Variants in MED16 observed in about 807,000 individuals in gnomAD.
The protein encoded by MED16 is mediator complex subunit 16.
In MED16, 81 loss-of-function variants were observed where a neutral mutation model predicts 84.4. The observed-to-expected ratio is 0.96, with a 90% CI of 0.80 to 1.15. The LOEUF (loss-of-function observed/expected upper bound fraction) is 1.15. Ranked by LOEUF, MED16 falls within the 50% of genes most tolerant of loss-of-function variation. MED16 has a pLI of 0.00. For missense variants in MED16, 1,585 were observed against 1,245.9 expected, an observed-to-expected ratio of 1.27 and a Z score of -4.10; for synonymous variants, 897 against 552.2, an observed-to-expected ratio of 1.62 and a Z score of -8.76.
chr19:869,635 G>A lies in MED16; in HGVS notation c.2316-689C>T, dbSNP rs137907304. On this transcript the variant is annotated intron_variant, in intron 13 of 15. Transcript: ENST00000325464. ...GGAGGTCCTAGAGCCAAGCCAGGGC[G>A]CCTTCCCGGAGGTCCCGGAGCCAAG... 1.2e-3 allele frequency among the ~76,000 whole-genome samples: 181 copies of A among 152,212 alleles called. 1 individual carries two copies. The East Asian group carries it at 0.03, about 25-fold the overall frequency.
chr19:877,292 G>A (rs113482685), intron 8 of MED16, 112 bp from the exon 9 acceptor site: 38 of 976,054 alleles, frequency 3.9e-5, no homozygotes, highest in Middle Eastern at 6.3e-4. Flanking sequence ...GTGCGCGCAC[G>A]CCCGTGTGTG....
At position 891,013 on chromosome 19, in the gene MED16, G is replaced by T; in HGVS notation, c.119C>A (p.Ser40Tyr). Reference protein sequence around the residue: ...CPSVPLACAWSCRNLIAFTMD... With the variant: ...CPSVPLACAWYCRNLIAFTMD... Reference sequence around the variant, plus strand: ...GGTGAAGGCGATGAGATTTCGGCAGGACCAGGCGCAGGCCAGGGGCACCGA... The same window carrying T: ...GGTGAAGGCGATGAGATTTCGGCAGTACCAGGCGCAGGCCAGGGGCACCGA... The change falls in exon 2 of 16, where the codon TCC (serine) becomes TAC (tyrosine). Residue 40 changes from serine to tyrosine, a missense_variant. Transcript: ENST00000325464. 6.2e-7 allele frequency: 1 copy of T among 1,614,118 alleles called. No homozygotes were observed. Among genetic ancestry groups the T allele is most frequent in the Non-Finnish European group, 8.5e-7 (1 of 1,180,028 alleles).
intron 13 of MED16, among the ~76,000 whole-genome samples, chr19:870,505 G>C (rs922189929): frequency 1.3e-5 from 2 of 151,628 alleles, no homozygotes; most frequent in Admixed American, 1.3e-4. Context: ...ACGTTGCAGT[G>C]GGCCAAGACG....
At chr19:880,626 G>T (rs1286197502) in intron 7 of MED16, among the ~76,000 whole-genome samples, 1 of 152,226 alleles carries the variant, frequency 6.6e-6, no homozygotes, top group Non-Finnish European at 1.5e-5. Context: ...CCCTGCAGTA[G>T]AGAGGCTGCA....
chr19:877,871 G>C (rs62132306), intron 8 of MED16, among the ~76,000 whole-genome samples: 4 of 33,126 alleles, frequency 1.2e-4, no homozygotes, highest in African/African-American at 2.2e-4. Context: ...CCAGCAGCTC[G>C]CCTTCCCCTG....
At chr19:890,305 A>G in intron 2 of MED16, 61 bp from the exon 3 acceptor site, 2 of 1,206,688 alleles carry the variant, frequency 1.7e-6, no homozygotes, top group South Asian at 3.1e-5. Flanking sequence ...GATGACGATG[A>G]CTCCAGGCAG....
At chr19:877,459 C>T (rs531056155) in intron 8 of MED16, among the ~76,000 whole-genome samples, 4 of 151,970 alleles carry the variant, frequency 2.6e-5, no homozygotes, top group South Asian at 2.1e-4. Flanking sequence ...GAGTCTACCC[C>T]GTGAAAGGCG....
intron 8 of MED16, among the ~76,000 whole-genome samples, chr19:878,556 AGCCCC>A (rs1451468515): frequency 0.086 from 866 of 10,070 alleles, no homozygotes; most frequent in African/African-American, 0.099. Flanking sequence ...AATGCCCACC[AGCCCC>A]AGCCCCAGCC....
intron 11 of MED16, among the ~76,000 whole-genome samples, 160 bp from the exon 12 acceptor site, chr19:872,278 G>A (rs1031088533): frequency 6.6e-6 from 1 of 151,954 alleles, no homozygotes. Flanking sequence ...CGAGTGGGTG[G>A]ATGCCGGGGA....
Position 879,948 on chromosome 19 carries a change from T to C in MED16, c.1342A>G (p.Ser448Gly), listed in dbSNP as rs1423933803. The change falls in exon 8 of 16, where the codon AGC becomes GGC. Residue 448 changes from serine to glycine, a missense_variant. Physicochemically the swap from Ser to Gly is moderately conservative, Grantham distance 56. Transcript: ENST00000325464. Reference protein sequence around the residue: ...WTSLALVGIDSHGKLSVLRLS... With the variant: ...WTSLALVGIDGHGKLSVLRLS... ...CCCCAGCAGCTCACCTTCCCGTGGC[T>C]GTCAATCCCCACCAGGGCCAGTGAC... 2 of 1,603,576 alleles carry C rather than the reference T, an allele frequency of 1.2e-6. No homozygotes were observed. Among genetic ancestry groups the C allele is most frequent in the African/African-American group, 2.7e-5 (2 of 74,596 alleles).
At chr19:878,478 C>T (rs56142163) in intron 8 of MED16, among the ~76,000 whole-genome samples, 2 of 150,318 alleles carry the variant, frequency 1.3e-5, no homozygotes, top group Admixed American at 6.6e-5. Flanking sequence ...AGCTCACCTT[C>T]CCCTGGCTGT....
intron 12 of MED16, 64 bp from the exon 13 acceptor site, chr19:871,317 C>A: frequency 6.9e-7 from 1 of 1,459,350 alleles, no homozygotes; most frequent in South Asian, 1.3e-5. Context: ...CCACCCGGGA[C>A]GTGCTGGGAG....
chr19:875,789 G>A (rs906220307), intron 9 of MED16, among the ~76,000 whole-genome samples: 1 of 152,166 alleles, frequency 6.6e-6, no homozygotes, highest in Admixed American at 6.5e-5. Context: ...CCCCATCCCA[G>A]AGGCTGCTCC....
intron 6 of MED16, 116 bp downstream of exon 6, chr19:884,787 G>A (rs578046978): frequency 7.8e-5 from 59 of 755,210 alleles, no homozygotes; most frequent in African/African-American, 6.6e-4. Flanking sequence ...CGAGACGATC[G>A]CTTAGGGCCG....
At chr19:886,405 GCA>G (rs1218496549) in intron 4 of MED16, among the ~76,000 whole-genome samples, 1 of 152,250 alleles carries the variant, frequency 6.6e-6, no homozygotes, top group Non-Finnish European at 1.5e-5. Context: ...GGAAGGAACG[GCA>G]CCTTTGCTTT....
chr19:879,037 A>G (rs1287518288), intron 8 of MED16, among the ~76,000 whole-genome samples: 4 of 86,224 alleles, frequency 4.6e-5, no homozygotes, highest in South Asian at 4.1e-4. Flanking sequence ...CCAGCAGCTC[A>G]CCTTCCCCCG....
chr19:890,420 A>C (rs2036610092), intron 2 of MED16, 176 bp from the exon 3 acceptor site: 1 of 517,330 alleles, frequency 1.9e-6, no homozygotes, highest in Admixed American at 3.6e-5. Context: ...GGAACAGAGC[A>C]GGCCTGTGAG....
chr19:886,375 C>G lies in MED16; in HGVS notation c.448-174G>C, dbSNP rs114514299. 2.3e-3 allele frequency among the ~76,000 whole-genome samples: 351 copies of G among 152,310 alleles called. 2 individuals carry two copies. Among genetic ancestry groups the G allele is most frequent in the African/African-American group, 7.9e-3 (328 of 41,574 alleles). On this transcript the variant is annotated intron_variant, in intron 4 of 15. Coordinates refer to ENST00000325464, the MANE Select transcript of MED16 (RefSeq NM_005481.3). ...TGGGATGTGATCCCCTCTGACCCTC[C>G]GTCTCCTCATCTGTAAGGTGGAAGG...
chr19:877,787 GCCCCAGCCCCAC>G (rs2036290281), intron 8 of MED16, among the ~76,000 whole-genome samples: 1 of 45,686 alleles, frequency 2.2e-5, no homozygotes, highest in African/African-American at 9.3e-5. Context: ...CCCAGCCCCA[GCCCCAGCCCCAC>G]GTGCCCCAGC....
Sources: allele counts gnomAD v4.1 joint callset (sites outside exome capture counted in the v4.1 genomes callset), GRCh38; gene constraint gnomAD v4.1.1; transcripts MANE v1.5; gene names NCBI Gene and HGNC (gene_info 2026-07-23, HGNC 2026-07-21).